CDH12: variants seen among roughly 807,000 people sequenced by gnomAD.
CDH12 encodes the protein cadherin 12, also known as cadherin-12.
Under a neutral mutation model 74.1 loss-of-function variants are expected in CDH12, and 41 were observed. The ratio of observed to expected loss-of-function variants is 0.55; its 90% CI spans 0.43 to 0.72. CDH12 has a LOEUF of 0.72. Ranked by LOEUF, CDH12 falls within the 30% of genes least tolerant of loss-of-function variation. The probability of loss-of-function intolerance (pLI) is 0.00; values close to 1 mark genes in which losing one functional copy is unlikely to be tolerated. For synonymous variants in CDH12, 399 were observed against 355.0 expected (o/e 1.12, Z -1.39); for missense variants, 945 against 977.2 (o/e 0.97, Z 0.44).
intron 1 of CDH12, among the ~76,000 whole-genome samples, chr5:22,689,852 G>A (rs1741990458): frequency 6.6e-6 from 1 of 151,996 alleles, no homozygotes; most frequent in Non-Finnish European, 1.5e-5. Context: ...AGTGGACAAA[G>A]TCATGGGTAC....
At chr5:22,065,642 C>T (rs948511925) in intron 5 of CDH12, among the ~76,000 whole-genome samples, 1 of 152,122 alleles carries the variant, frequency 6.6e-6, no homozygotes, top group Non-Finnish European at 1.5e-5. Context: ...CCTTTCACCA[C>T]CACAGACAGA....
chr5:22,547,091 G>A (rs1358483662), intron 1 of CDH12, among the ~76,000 whole-genome samples: 2 of 152,118 alleles, frequency 1.3e-5, no homozygotes, highest in African/African-American at 4.8e-5. Context: ...TAGACCATAT[G>A]CAGAAAACAG....
intron 5 of CDH12, among the ~76,000 whole-genome samples, chr5:22,060,257 G>C (rs181522457): frequency 6.7e-6 from 1 of 150,054 alleles, no homozygotes; most frequent in African/African-American, 2.4e-5. Flanking sequence ...TCATAAGTGG[G>C]AGATTAACAA....
At chr5:22,611,076 T>A (rs943178540) in intron 1 of CDH12, among the ~76,000 whole-genome samples, 1 of 152,202 alleles carries the variant, frequency 6.6e-6, no homozygotes, top group Non-Finnish European at 1.5e-5. Context: ...GAATTTTTAT[T>A]GTCCTCCTAA....
chr5:22,020,457 G>A (rs1433922060), intron 5 of CDH12, among the ~76,000 whole-genome samples: 2 of 151,934 alleles, frequency 1.3e-5, no homozygotes, highest in African/African-American at 2.4e-5. Context: ...GGGGGGCTGA[G>A]GCAGGGGAAT....
At chr5:22,772,556 T>C (rs1176554956) in intron 1 of CDH12, among the ~76,000 whole-genome samples, 1 of 152,154 alleles carries the variant, frequency 6.6e-6, no homozygotes, top group Non-Finnish European at 1.5e-5. Context: ...GTTTTCCTAT[T>C]GTAATGGAAA....
intron 6 of CDH12, among the ~76,000 whole-genome samples, chr5:21,925,868 T>G (rs895105055): frequency 2.6e-5 from 4 of 152,102 alleles, no homozygotes; most frequent in African/African-American, 4.8e-5. Context: ...ATTGAAAGCA[T>G]GCTGTTATAT....
chr5:22,787,240 AT>A, intron 1 of CDH12, among the ~76,000 whole-genome samples: 1 of 152,014 alleles, frequency 6.6e-6, no homozygotes, highest in African/African-American at 2.4e-5. Flanking sequence ...ATTTTCTTCC[AT>A]TTCATTCCAC....
chr5:22,535,922 CT>C (rs1410695553), intron 1 of CDH12, among the ~76,000 whole-genome samples: 3 of 152,110 alleles, frequency 2.0e-5, no homozygotes, highest in African/African-American at 7.2e-5. Context: ...CACATACAGA[CT>C]TTTTTCTTGT....
intron 5 of CDH12, among the ~76,000 whole-genome samples, chr5:21,989,433 T>C (rs1221130771): frequency 6.6e-6 from 1 of 152,126 alleles, no homozygotes; most frequent in Non-Finnish European, 1.5e-5. Context: ...TGACCAGACT[T>C]TTCTCTGTAC....
chr5:21,889,807 T>C (rs1020998093), intron 6 of CDH12: 17 of 985,176 alleles, frequency 1.7e-5, no homozygotes, highest in Non-Finnish European at 1.9e-5. Flanking sequence ...TTTCTCAATA[T>C]AGATGATGAA....
At chr5:22,619,809 T>C (rs1054970147) in intron 1 of CDH12, among the ~76,000 whole-genome samples, 1 of 152,108 alleles carries the variant, frequency 6.6e-6, no homozygotes, top group Non-Finnish European at 1.5e-5. Context: ...ATCAACATTG[T>C]AAATTCATCC....
intron 5 of CDH12, among the ~76,000 whole-genome samples, chr5:22,047,140 T>C (rs1374749136): frequency 1.3e-5 from 2 of 152,180 alleles, no homozygotes; most frequent in Non-Finnish European, 2.9e-5. Context: ...GTTATCCTTG[T>C]CTATGGATTG....
chr5:21,987,304 A>G (rs946345399), intron 5 of CDH12, among the ~76,000 whole-genome samples: 4 of 152,186 alleles, frequency 2.6e-5, no homozygotes, highest in Admixed American at 2.0e-4. Flanking sequence ...TACATGATGT[A>G]TTAGTAAAAT....
intron 3 of CDH12, among the ~76,000 whole-genome samples, chr5:22,262,865 C>T (rs1157752957): frequency 6.6e-6 from 1 of 151,976 alleles, no homozygotes; most frequent in African/African-American, 2.4e-5. Flanking sequence ...AGAGCTTCTG[C>T]ACAGCAAAAG....
rs572802898 is a variant in CDH12 at position 22,295,402 on chromosome 5, T to C, written c.-332-82759A>G. Among the ~76,000 whole-genome samples, 3 of 152,214 alleles carry C rather than the reference T, an allele frequency of 2.0e-5. No individual in the cohort carries two copies. The South Asian group carries it at 6.2e-4, about 32-fold the overall frequency. On this transcript the variant is annotated intron_variant, in intron 3 of 14. Coordinates refer to ENST00000382254, the MANE Select transcript of CDH12 (RefSeq NM_004061.5). The stretch of plus-strand genomic sequence containing the variant: ...CATTGCACACAATACTACAGTAAAA[T>C]GGGCATCAATTTGAATCTAAATTGC...
At chr5:22,063,288 G>T (rs1445608997) in intron 5 of CDH12, among the ~76,000 whole-genome samples, 1 of 152,014 alleles carries the variant, frequency 6.6e-6, no homozygotes, top group Non-Finnish European at 1.5e-5. Context: ...ATTTATAAAA[G>T]CATATGTTCT....
chr5:22,067,553 C>T (rs1426310599), intron 5 of CDH12, among the ~76,000 whole-genome samples: 9 of 152,100 alleles, frequency 5.9e-5, no homozygotes, highest in East Asian at 1.9e-4. Context: ...CAGTCTGCTA[C>T]GTAGACTGTT....
At chr5:22,312,084 C>G (rs142302686) in intron 3 of CDH12, among the ~76,000 whole-genome samples, 1,640 of 152,080 alleles carry the variant, frequency 0.011, 35 homozygotes, top group African/African-American at 0.037. Flanking sequence ...GGCTTCCACA[C>G]TACGCTCGAT....
Sources: gnomAD v4.1 joint callset for allele counts (sites outside exome capture counted in the v4.1 genomes callset) on GRCh38, gnomAD v4.1.1 for gene constraint, MANE v1.5 for transcripts, NCBI Gene and HGNC (gene_info 2026-07-23, HGNC 2026-07-21) for gene names.